The following MRTFB variants were observed in gnomAD, a reference collection of about 807,000 sequenced individuals.
MRTFB encodes the protein myocardin related transcription factor B, also known as myocardin-related transcription factor B.
MRTFB carries 29 observed loss-of-function variants against 104.2 expected under a neutral mutation model. That is an observed-to-expected ratio of 0.28 (90% confidence interval 0.21 to 0.38). The LOEUF is 0.38. MRTFB is among the 10% of genes least tolerant of loss of function. MRTFB has a pLI of 1.00. For missense variants in MRTFB, 1,270 were observed against 1,341.6 expected, an observed-to-expected ratio of 0.95 and a Z score of 0.83; for synonymous variants, 535 against 519.5, an observed-to-expected ratio of 1.03 and a Z score of -0.41.
intron 3 of MRTFB, among the ~76,000 whole-genome samples, chr16:14,165,657 C>T (rs2039207653): frequency 6.6e-6 from 1 of 152,162 alleles, no homozygotes; most frequent in Non-Finnish European, 1.5e-5. Flanking sequence ...CCCCTTTCCC[C>T]ATCTCATCCC....
chr16:14,067,357 G>T (rs2033535477), upstream of MRTFB, among the ~76,000 whole-genome samples: 1 of 151,788 alleles, frequency 6.6e-6, no homozygotes, highest in Non-Finnish European at 1.5e-5. Context: ...AGAGAAGCTG[G>T]GATTATAGGC....
intron 8 of MRTFB, among the ~76,000 whole-genome samples, chr16:14,226,296 G>T (rs1386597783): frequency 6.6e-6 from 1 of 152,034 alleles, no homozygotes; most frequent in Non-Finnish European, 1.5e-5. Context: ...TCCTAATTTC[G>T]AAACTTACTA....
chr16:14,214,522 T>C (rs2041332717), intron 6 of MRTFB, among the ~76,000 whole-genome samples: 1 of 152,212 alleles, frequency 6.6e-6, no homozygotes. Flanking sequence ...AGGTCTGACA[T>C]GTCCAGAAAT....
At chr16:14,044,144 A>G in the MRTFB span, among the ~76,000 whole-genome samples, 1 of 152,214 alleles carries the variant, frequency 6.6e-6, no homozygotes. Context: ...TCATTCATTC[A>G]TTCAGTCAGT....
At chr16:14,073,355 A>G (rs933426464) in intron 1 of MRTFB, among the ~76,000 whole-genome samples, 6 of 152,226 alleles carry the variant, frequency 3.9e-5, no homozygotes, top group African/African-American at 1.4e-4. Flanking sequence ...ATAACTAAAA[A>G]TGTTCCTTGG....
Position 14,247,478 on chromosome 16 carries a change from C to A in MRTFB, c.2218C>A (p.Gln740Lys), listed in dbSNP as rs1359807103. The change falls in exon 12 of 17, where the codon CAA (glutamine) becomes AAA (lysine). Residue 740 changes from glutamine to lysine, a missense_variant. Physicochemically the swap from Gln to Lys is moderately conservative, Grantham distance 53 (BLOSUM62 1). Coordinates refer to ENST00000571589, the MANE Select transcript of MRTFB (RefSeq NM_001308142.2). ...SIQGSSVTSVQLPVGSLKLQT... is the reference protein window; with the variant it reads ...SIQGSSVTSVKLPVGSLKLQT... ...CCAGGGCTCGAGTGTCACCTCAGTG[C>A]AACTCCCTGTAGGCAGCCTCAAACT... The A allele has an allele frequency of 6.3e-7, 1 of 1,575,704 alleles. No homozygotes were observed. Among genetic ancestry groups the A allele is most frequent in the Non-Finnish European group, 8.6e-7 (1 of 1,165,908 alleles).
the MRTFB span, among the ~76,000 whole-genome samples, chr16:14,007,630 G>A: frequency 6.6e-6 from 1 of 152,134 alleles, no homozygotes; most frequent in Non-Finnish European, 1.5e-5. Flanking sequence ...AAGTTTTTGA[G>A]AAACTGCCAA....
the MRTFB span, among the ~76,000 whole-genome samples, chr16:14,029,400 T>C: frequency 2.7e-5 from 3 of 113,142 alleles, no homozygotes; most frequent in Non-Finnish European, 1.7e-5. Context: ...AGCAAGACTC[T>C]GTCTTAAAAA....
Position 14,252,236 on chromosome 16 carries a change from G to A in MRTFB, c.2566-129G>A, listed in dbSNP as rs2151434298. Reference sequence around the variant, plus strand: ...CACCAGTGCTGTCAGCCTCACAGGTGCTTAAAAGAACCTGCTCATGAATTC... The same window carrying A: ...CACCAGTGCTGTCAGCCTCACAGGTACTTAAAAGAACCTGCTCATGAATTC... On this transcript the variant is annotated intron_variant, in intron 14 of 16. Coordinates refer to ENST00000571589, the MANE Select transcript of MRTFB (RefSeq NM_001308142.2). The A allele has an allele frequency of 2.1e-6, 3 of 1,407,488 alleles. No individual in the cohort carries two copies. The South Asian group carries it at 4.2e-5, about 20-fold the overall frequency. 87.2% of individuals were successfully genotyped at this position (1,407,488 alleles called of 1,614,324 possible).
intron 1 of MRTFB, among the ~76,000 whole-genome samples, chr16:14,074,502 C>T (rs1312293924): frequency 6.6e-6 from 1 of 152,046 alleles, no homozygotes; most frequent in Non-Finnish European, 1.5e-5. Flanking sequence ...GCACATATCT[C>T]TGATTTGTAA....
intron 3 of MRTFB, chr16:14,193,650 G>T (rs543616348): frequency 6.6e-6 from 1 of 152,308 alleles, no homozygotes; most frequent in African/African-American, 2.4e-5. Context: ...GCTTGCACCT[G>T]CCGGCCTGTG....
intron 3 of MRTFB, among the ~76,000 whole-genome samples, chr16:14,207,530 A>T (rs2041004078): frequency 6.6e-6 from 1 of 152,192 alleles, no homozygotes; most frequent in Non-Finnish European, 1.5e-5. Flanking sequence ...TCTTTCTAAG[A>T]TCCTTGGACT....
At chr16:14,153,925 T>C (rs892203386) in intron 3 of MRTFB, among the ~76,000 whole-genome samples, 4 of 152,236 alleles carry the variant, frequency 2.6e-5, no homozygotes, top group Non-Finnish European at 1.5e-5. Context: ...TTATTTCTCC[T>C]AAAGTCTACT....
At position 14,079,320 on chromosome 16, in the gene MRTFB, G is replaced by A. The variant is rs1429162862; in HGVS notation, c.-98G>A. The A allele has an allele frequency of 2.8e-6, 1 of 352,306 alleles. No individual in the cohort carries two copies. The highest frequency in any genetic ancestry group is 5.2e-6 in the Non-Finnish European group (1 of 193,794). 21.8% of individuals were successfully genotyped at this position (352,306 alleles called of 1,614,324 possible). The stretch of plus-strand genomic sequence containing the variant: ...CAATAAAGGTGCTAAGAAAGAGAAT[G>A]TAAGACAGGAAAATAATTAAATATT... On this transcript the variant is annotated 5_prime_UTR_variant, in exon 2 of 17. It removes an upstream start codon present in the reference 5' UTR. Transcript: ENST00000571589.
intron 2 of MRTFB, among the ~76,000 whole-genome samples, chr16:14,079,748 T>G (rs977552508): frequency 6.6e-6 from 1 of 150,664 alleles, no homozygotes; most frequent in Non-Finnish European, 1.5e-5. Context: ...CTTAAAATTT[T>G]GGGTTTTTTT....
At chr16:14,046,478 C>T in the MRTFB span, among the ~76,000 whole-genome samples, 1 of 152,292 alleles carries the variant, frequency 6.6e-6, no homozygotes. Flanking sequence ...AGTTGCAATG[C>T]ACGGTTCTGT....
upstream of MRTFB, among the ~76,000 whole-genome samples, chr16:14,070,961 T>C (rs1161121297): frequency 6.6e-6 from 1 of 152,224 alleles, no homozygotes; most frequent in Non-Finnish European, 1.5e-5. Context: ...AAGGGGGCTG[T>C]TAAGTGCTCG....
At chr16:14,245,282 C>T (rs1347810827) in intron 10 of MRTFB, among the ~76,000 whole-genome samples, 2 of 152,178 alleles carry the variant, frequency 1.3e-5, no homozygotes, top group African/African-American at 4.8e-5. Context: ...CATGGCCATT[C>T]TTGGTCCTTT....
intron 3 of MRTFB, chr16:14,187,018 A>G: frequency 6.3e-7 from 1 of 1,596,424 alleles, no homozygotes; most frequent in Middle Eastern, 1.7e-4. Flanking sequence ...GGGAGCAACC[A>G]GAAAAGTCTC....
Sources: allele counts gnomAD v4.1 joint callset (sites outside exome capture counted in the v4.1 genomes callset), GRCh38; gene constraint gnomAD v4.1.1; transcripts MANE v1.5; gene names NCBI Gene and HGNC (gene_info 2026-07-23, HGNC 2026-07-21).